Variants in BBS4 observed in about 807,000 individuals in gnomAD.
BBS4 encodes the protein BBSome complex member BBS4.
A neutral mutation model predicts 71.4 loss-of-function variants in BBS4; 58 were observed. The ratio of observed to expected loss-of-function variants is 0.81; its 90% CI spans 0.66 to 1.01. The LOEUF is 1.01. Among genes scored for constraint, BBS4 ranks in the 50% least tolerant of loss-of-function variants. The pLI is 0.00. For synonymous variants in BBS4, 228 were observed against 216.8 expected (o/e 1.05, Z -0.46); for missense variants, 660 against 607.9 (o/e 1.09, Z -0.90).
At chr15:72,717,687 G>A (rs1272009945) in intron 6 of BBS4, among the ~76,000 whole-genome samples, 4 of 152,080 alleles carry the variant, frequency 2.6e-5, no homozygotes, top group African/African-American at 9.7e-5. Context: ...ACAAAATTAG[G>A]GTTCTTTTAG....
At chr15:72,721,995 A>G (rs1223358627) in intron 6 of BBS4, among the ~76,000 whole-genome samples, 2 of 152,222 alleles carry the variant, frequency 1.3e-5, no homozygotes, top group African/African-American at 2.4e-5. Context: ...CTTTCTGTAG[A>G]TCAAAGGTTG....
intron 8 of BBS4, among the ~76,000 whole-genome samples, chr15:72,727,541 G>A (rs927978981): frequency 6.6e-6 from 1 of 152,168 alleles, no homozygotes; most frequent in African/African-American, 2.4e-5. Context: ...GCCTGGCATT[G>A]TGAGCACAAT....
rs571554782 is a variant in BBS4, at chr15:72,694,238, C to T, written c.25-939C>T. ...CGTAGTCTTGCTCTGTTGCCCAGGCCGGGGGGCGATGGTACGATCTTGGCT... is the reference window on the plus strand; with the variant it reads ...CGTAGTCTTGCTCTGTTGCCCAGGCTGGGGGGCGATGGTACGATCTTGGCT... On this transcript the variant is annotated intron_variant, in intron 1 of 15. Transcript: ENST00000268057. 5.1e-4 allele frequency among the ~76,000 whole-genome samples: 75 copies of T among 146,726 alleles called. 1 individual carries two copies. The highest frequency in any genetic ancestry group is 1.6e-3 in the African/African-American group (65 of 39,518).
chr15:72,733,639 G>A (rs2065869164), intron 12 of BBS4, among the ~76,000 whole-genome samples: 1 of 152,184 alleles, frequency 6.6e-6, no homozygotes, highest in African/African-American at 2.4e-5. Flanking sequence ...GTATTCCATG[G>A]TGTACATTTA....
At chr15:72,724,237 TTATGAAG>T (rs901750427) in intron 7 of BBS4, among the ~76,000 whole-genome samples, 6 of 152,356 alleles carry the variant, frequency 3.9e-5, no homozygotes, top group African/African-American at 1.4e-4. Context: ...CCCTTTTGAC[TTATGAAG>T]TATGAGTCAT....
At chr15:72,729,707 T>A in intron 10 of BBS4, 23 bp downstream of exon 10, 1 of 1,599,076 alleles carries the variant, frequency 6.3e-7, no homozygotes, top group Non-Finnish European at 8.6e-7. Flanking sequence ...GTGAAGGCTC[T>A]GGCCTTCATA....
intron 5 of BBS4, among the ~76,000 whole-genome samples, chr15:72,716,413 G>A (rs554563684): frequency 2.6e-5 from 4 of 152,320 alleles, no homozygotes; most frequent in African/African-American, 4.8e-5. Context: ...TGGAAGGAAA[G>A]GATGTGTCCC....
intron 2 of BBS4, among the ~76,000 whole-genome samples, chr15:72,697,467 T>A (rs560399810): frequency 1.3e-5 from 2 of 152,178 alleles, no homozygotes; most frequent in Admixed American, 1.3e-4. Context: ...GTTAACAACA[T>A]CCCTGGCTTC....
chr15:72,736,998 G>C, intron 15 of BBS4, 35 bp downstream of exon 15: 1 of 1,604,234 alleles, frequency 6.2e-7, no homozygotes, highest in South Asian at 1.1e-5. Context: ...AGACCTGGCA[G>C]GTACAAGCCA....
At chr15:72,728,493 G>A (rs1399660890) in intron 9 of BBS4, among the ~76,000 whole-genome samples, 1 of 151,124 alleles carries the variant, frequency 6.6e-6, no homozygotes, top group East Asian at 1.9e-4. Flanking sequence ...GCCAGATCCT[G>A]TCTCAGAAAA....
chr15:72,737,585 T>G lies in BBS4; in HGVS notation c.1558T>G (p.Ter520GluextTer2). 2.5e-6 allele frequency: 4 copies of G among 1,601,800 alleles called. No individual in the cohort carries two copies. Among genetic ancestry groups the G allele is most frequent in the Non-Finnish European group, 3.4e-6 (4 of 1,173,290 alleles). ...TETSEQIREK* is the reference protein window; with the variant it reads ...TETSEQIREKE Reference sequence around the variant, plus strand: ...AACATCAGAACAAATAAGAGAGAAATAAGAATAGAATGAATGACCCCAAAA... The same window carrying G: ...AACATCAGAACAAATAAGAGAGAAAGAAGAATAGAATGAATGACCCCAAAA... Residue 520 changes from the stop codon to glutamate (E), a stop_lost, in exon 16 of 16, where the codon TAA becomes GAA. Coordinates refer to ENST00000268057, the MANE Select transcript of BBS4 (RefSeq NM_033028.5).
chr15:72,724,913 T>A (rs1238484704), intron 8 of BBS4, among the ~76,000 whole-genome samples: 2 of 152,078 alleles, frequency 1.3e-5, no homozygotes, highest in African/African-American at 4.8e-5. Context: ...GGTTTCTTCC[T>A]TATTAACTCA....
chr15:72,689,145 C>G (rs971444932), intron 1 of BBS4, among the ~76,000 whole-genome samples: 2 of 151,672 alleles, frequency 1.3e-5, no homozygotes, highest in African/African-American at 4.8e-5. Context: ...TTTCATAACA[C>G]AAAGGAAAAC....
intron 2 of BBS4, 52 bp downstream of exon 2, chr15:72,695,280 T>C (rs774384089): frequency 1.6e-6 from 2 of 1,226,182 alleles, no homozygotes; most frequent in Non-Finnish European, 2.3e-6. Context: ...AGATTTCTCT[T>C]TTATTTATTT....
chr15:72,718,011 G>C lies in BBS4; in HGVS notation c.405+1161G>C, dbSNP rs1376192018. ...TTACAGGCGCCTGCCACCATGCCCG[G>C]CTAATTTTTGTATTTTTGGTAGAGA... On this transcript the variant is annotated intron_variant, in intron 6 of 15. Coordinates refer to ENST00000268057, the MANE Select transcript of BBS4 (RefSeq NM_033028.5). Among the ~76,000 whole-genome samples, 3 of 152,060 alleles carry C rather than the reference G, an allele frequency of 2.0e-5. No individual in the cohort carries two copies. In the East Asian group the frequency reaches 5.8e-4, roughly 29 times the overall value.
intron 12 of BBS4, among the ~76,000 whole-genome samples, chr15:72,734,764 A>C (rs143562499): frequency 4.6e-5 from 7 of 152,270 alleles, no homozygotes; most frequent in African/African-American, 1.7e-4. Context: ...CCTAAGTAGG[A>C]TGGTAATGTG....
chr15:72,716,372 G>C (rs1474700493), intron 5 of BBS4, among the ~76,000 whole-genome samples: 9 of 152,112 alleles, frequency 5.9e-5, no homozygotes, highest in Admixed American at 5.9e-4. Context: ...TCTAAACTCA[G>C]GATCCAATAT....
At chr15:72,695,381 G>T (rs985864336) in intron 2 of BBS4, among the ~76,000 whole-genome samples, 153 bp downstream of exon 2, 2 of 151,904 alleles carry the variant, frequency 1.3e-5, no homozygotes, top group African/African-American at 2.4e-5. Context: ...TTTGCCTCTG[G>T]GGCTCAAGCA....
At chr15:72,729,161 CTTTTTTTTTTTT>C (rs71137313) in intron 9 of BBS4, among the ~76,000 whole-genome samples, 6 of 70,036 alleles carry the variant, frequency 8.6e-5, no homozygotes, top group South Asian at 6.3e-4. Context: ...ACTGTAGCTG[CTTTTTTTTTTTT>C]TTTTTTTTTT....
Sources: allele counts gnomAD v4.1 joint callset (sites outside exome capture counted in the v4.1 genomes callset), GRCh38; gene constraint gnomAD v4.1.1; transcripts MANE v1.5; gene names NCBI Gene and HGNC (gene_info 2026-07-23, HGNC 2026-07-21).